MALRD1: variants seen among roughly 807,000 people sequenced by gnomAD.
MALRD1 encodes the protein MAM and LDL-receptor class A domain-containing protein 1.
In MALRD1, 247 loss-of-function variants were observed where a neutral mutation model predicts 242.1. The observed-to-expected ratio is 1.02, with a 90% CI of 0.92 to 1.13. The LOEUF is 1.13. Ranked by LOEUF, MALRD1 falls within the 50% of genes most tolerant of loss-of-function variation. MALRD1 has a pLI of 0.00. For synonymous variants in MALRD1, 995 were observed against 866.6 expected (o/e 1.15, Z -2.60); for missense variants, 2,989 against 2,533.1 (o/e 1.18, Z -3.86).
intron 2 of MALRD1, among the ~76,000 whole-genome samples, chr10:19,081,373 A>T (rs1835485411): frequency 6.6e-6 from 1 of 152,296 alleles, no homozygotes; most frequent in South Asian, 2.1e-4. Flanking sequence ...CCAAATGCCC[A>T]TCAATGATAG....
At chr10:19,170,254 G>T (rs1834865000) in intron 13 of MALRD1, among the ~76,000 whole-genome samples, 1 of 152,004 alleles carries the variant, frequency 6.6e-6, no homozygotes, top group Non-Finnish European at 1.5e-5. Context: ...CTGCTCACTT[G>T]CTATGTTCAG....
At chr10:19,466,307 AT>A (rs1361730115) in intron 29 of MALRD1, among the ~76,000 whole-genome samples, 9 of 151,416 alleles carry the variant, frequency 5.9e-5, no homozygotes, top group South Asian at 2.1e-4. Flanking sequence ...TTTGATGAAA[AT>A]TTTTTTTCCA....
At chr10:19,360,256 C>G (rs1844831838) in intron 26 of MALRD1, among the ~76,000 whole-genome samples, 1 of 152,008 alleles carries the variant, frequency 6.6e-6, no homozygotes, top group Non-Finnish European at 1.5e-5. Context: ...TGTGAAACTT[C>G]ATATCTCTGA....
intron 33 of MALRD1, among the ~76,000 whole-genome samples, chr10:19,575,967 TA>T (rs1836801983): frequency 6.6e-6 from 1 of 152,226 alleles, no homozygotes; most frequent in Non-Finnish European, 1.5e-5. Context: ...TCCCCTATCT[TA>T]CCGTAATAGC....
At chr10:19,279,995 T>C (rs1387228715) in intron 19 of MALRD1, 52 bp from the exon 20 acceptor site, 1 of 1,365,126 alleles carries the variant, frequency 7.3e-7, no homozygotes, top group Non-Finnish European at 9.6e-7. Flanking sequence ...TCTAAAGCAG[T>C]AGAAAACCAG....
At chr10:19,333,361 T>C (rs560741338) in intron 24 of MALRD1, among the ~76,000 whole-genome samples, 15 of 152,094 alleles carry the variant, frequency 9.9e-5, no homozygotes, top group Non-Finnish European at 1.9e-4. Context: ...CATTTACCCA[T>C]TGTTGAGCAT....
chr10:19,482,702 G>T (rs1411792194), intron 29 of MALRD1, among the ~76,000 whole-genome samples: 1 of 103,574 alleles, frequency 9.7e-6, no homozygotes, highest in Non-Finnish European at 2.1e-5. Context: ...TACACACAAA[G>T]CAAAAAATAC....
intron 5 of MALRD1, among the ~76,000 whole-genome samples, chr10:19,116,413 C>G (rs7898355): frequency 0.1 from 15,939 of 152,140 alleles, 1,052 homozygotes; most frequent in South Asian, 0.15. Flanking sequence ...TAACTAAGGA[C>G]CTTTTTTATT....
At chr10:19,374,523 TTTAG>T (rs1431420195) in intron 26 of MALRD1, among the ~76,000 whole-genome samples, 2 of 152,236 alleles carry the variant, frequency 1.3e-5, no homozygotes, top group African/African-American at 4.8e-5. Context: ...TGTGATTTTA[TTTAG>T]TATCACATCT....
intron 33 of MALRD1, among the ~76,000 whole-genome samples, chr10:19,589,670 C>G (rs953527377): frequency 5.3e-5 from 8 of 152,152 alleles, no homozygotes; most frequent in Non-Finnish European, 1.0e-4. Flanking sequence ...AATGAGTCAT[C>G]TTGTCAAAAT....
At chr10:19,653,773 T>C (rs1841000057) in intron 36 of MALRD1, among the ~76,000 whole-genome samples, 1 of 152,164 alleles carries the variant, frequency 6.6e-6, no homozygotes, top group Non-Finnish European at 1.5e-5. Context: ...CAGAGTAATA[T>C]CAAAGTTATT....
rs117626497 is a variant in MALRD1, at chr10:19,723,921, G to A, written c.6315-6785G>A. Among the ~76,000 whole-genome samples the A allele has an allele frequency of 2.4e-3, 357 of 150,578 alleles. 9 individuals are homozygous for A. The East Asian group carries it at 0.051, about 22-fold the overall frequency. ...AGCAGTTTTAAAATTAGCCAGGTGTGTTGGCATGCACCTATAGTCCCAGCA... is the reference window on the plus strand; with the variant it reads ...AGCAGTTTTAAAATTAGCCAGGTGTATTGGCATGCACCTATAGTCCCAGCA... On this transcript the variant is annotated intron_variant, in intron 38 of 39. Coordinates refer to ENST00000454679, the MANE Select transcript of MALRD1 (RefSeq NM_001142308.3).
chr10:19,395,659 A>G (rs182125684), intron 28 of MALRD1, among the ~76,000 whole-genome samples: 73 of 152,334 alleles, frequency 4.8e-4, no homozygotes, highest in African/African-American at 1.7e-3. Context: ...AGGTGTAACC[A>G]CACAAGATAT....
intron 4 of MALRD1, among the ~76,000 whole-genome samples, chr10:19,100,061 A>T (rs184415342): frequency 0.012 from 1,781 of 151,986 alleles, 11 homozygotes; most frequent in Non-Finnish European, 0.019. Flanking sequence ...ATAATAATAA[A>T]TTTTTTTCTT....
At chr10:19,351,950 T>C in intron 25 of MALRD1, 56 bp from the exon 26 acceptor site, 2 of 1,367,744 alleles carry the variant, frequency 1.5e-6, no homozygotes, top group East Asian at 5.0e-5. Flanking sequence ...TTGAAAATAA[T>C]ATCATATTAA....
intron 38 of MALRD1, among the ~76,000 whole-genome samples, chr10:19,696,228 C>A (rs1051333713): frequency 6.6e-6 from 1 of 152,200 alleles, no homozygotes; most frequent in Non-Finnish European, 1.5e-5. Flanking sequence ...ATCTTTTCAA[C>A]CCATTACCCA....
intron 29 of MALRD1, among the ~76,000 whole-genome samples, chr10:19,464,947 A>ATTTTTTT (rs1564365370): frequency 1.2e-5 from 1 of 80,974 alleles, no homozygotes; most frequent in African/African-American, 3.9e-5. Flanking sequence ...GTATAATTCC[A>ATTTTTTT]ATTTTTTTTT....
intron 31 of MALRD1, among the ~76,000 whole-genome samples, chr10:19,500,854 CT>C (rs1230981381): frequency 6.6e-6 from 1 of 152,010 alleles, no homozygotes; most frequent in African/African-American, 2.4e-5. Context: ...ATGCCAGGCA[CT>C]TGGCCAGGTC....
intron 29 of MALRD1, among the ~76,000 whole-genome samples, chr10:19,451,271 A>G (rs1270073718): frequency 6.6e-6 from 1 of 152,178 alleles, no homozygotes; most frequent in Non-Finnish European, 1.5e-5. Flanking sequence ...AAATTCAATC[A>G]GGCAAAATTG....
Sources: allele counts gnomAD v4.1 joint callset (sites outside exome capture counted in the v4.1 genomes callset), GRCh38; gene constraint gnomAD v4.1.1; transcripts MANE v1.5; gene names NCBI Gene and HGNC (gene_info 2026-07-23, HGNC 2026-07-21).